Variants in PCDH9 observed in about 807,000 individuals in gnomAD.
The protein encoded by PCDH9 is protocadherin-9.
PCDH9 carries 24 observed loss-of-function variants against 70.6 expected under a neutral mutation model. That is an observed-to-expected ratio of 0.34 (90% CI 0.25 to 0.48). The LOEUF (loss-of-function observed/expected upper bound fraction) is 0.48, where lower values mean the gene tolerates loss of function less well. Among genes scored for constraint, PCDH9 ranks in the 20% least tolerant of loss-of-function variants. The pLI, the probability that PCDH9 is intolerant of heterozygous loss-of-function variation, is 0.99. For missense variants in PCDH9, 1,281 were observed against 1,503.6 expected (o/e 0.85, Z 2.45); for synonymous variants, 562 against 558.5 (o/e 1.01, Z -0.09).
In PCDH9 at chr13:66,508,896, TC is replaced by T. The variant is rs145767006; in HGVS notation, c.3340+122313del. 7.0e-3 allele frequency among the ~76,000 whole-genome samples: 1,068 copies of T among 152,264 alleles called. 33 individuals are homozygous for T. The East Asian group carries it at 0.092, about 13-fold the overall frequency. On this transcript the variant is annotated intron_variant, in intron 4 of 4. Transcript: ENST00000377865. ...TTGTCATTAGGAATGAGACACACAG[TC>T]CCCACCTCCTTCATATATAAATTGG...
chr13:66,850,156 C>T (rs2081291648), intron 3 of PCDH9, among the ~76,000 whole-genome samples: 1 of 152,036 alleles, frequency 6.6e-6, no homozygotes, highest in Non-Finnish European at 1.5e-5. Context: ...TGACTGATTG[C>T]TTAAGAACAC....
At chr13:66,912,439 C>T (rs1444169602) in intron 2 of PCDH9, among the ~76,000 whole-genome samples, 6 of 151,946 alleles carry the variant, frequency 3.9e-5, no homozygotes, top group Admixed American at 2.6e-4. Flanking sequence ...AGGTGTATAG[C>T]GATGGGCTCT....
intron 2 of PCDH9, among the ~76,000 whole-genome samples, chr13:67,026,824 A>G (rs1370941298): frequency 1.3e-5 from 2 of 151,934 alleles, no homozygotes; most frequent in East Asian, 3.9e-4. Context: ...ATTGCTTCAA[A>G]GAGAATAAAA....
chr13:66,933,281 T>C (rs2082846608), intron 2 of PCDH9, among the ~76,000 whole-genome samples: 1 of 152,184 alleles, frequency 6.6e-6, no homozygotes, highest in African/African-American at 2.4e-5. Flanking sequence ...GACATCAGTA[T>C]ATTTTTAGCA....
chr13:66,595,428 T>C (rs997649853), intron 4 of PCDH9, among the ~76,000 whole-genome samples: 1 of 151,812 alleles, frequency 6.6e-6, no homozygotes, highest in Non-Finnish European at 1.5e-5. Context: ...AATTATTGTT[T>C]ATCTTGAAAA....
intron 4 of PCDH9, among the ~76,000 whole-genome samples, chr13:66,594,036 A>G (rs944843465): frequency 2.6e-5 from 4 of 151,730 alleles, no homozygotes; most frequent in Non-Finnish European, 4.4e-5. Context: ...GTTTTTTAAT[A>G]CAACATACCA....
intron 4 of PCDH9, among the ~76,000 whole-genome samples, chr13:66,596,037 A>T (rs1038245378): frequency 3.3e-5 from 5 of 151,708 alleles, no homozygotes; most frequent in Non-Finnish European, 5.9e-5. Flanking sequence ...AATCAATAAG[A>T]TCATTTAACA....
intron 2 of PCDH9, among the ~76,000 whole-genome samples, chr13:67,156,680 G>A (rs1308059037): frequency 6.6e-6 from 1 of 152,194 alleles, no homozygotes; most frequent in Admixed American, 6.5e-5. Flanking sequence ...CCGGGATACA[G>A]AAAGCCCTCT....
chr13:66,610,290 AAG>A (rs895733859), intron 4 of PCDH9, among the ~76,000 whole-genome samples: 29 of 149,404 alleles, frequency 1.9e-4, no homozygotes, highest in African/African-American at 4.2e-4. Flanking sequence ...CAGAGAGAGA[AAG>A]AGAGAGAGAG....
intron 4 of PCDH9, among the ~76,000 whole-genome samples, chr13:66,448,134 G>T (rs2138420436): frequency 6.6e-6 from 1 of 152,152 alleles, no homozygotes; most frequent in Middle Eastern, 3.4e-3. Context: ...GGCTCTTTAG[G>T]AAGCAATTTC....
chr13:67,141,771 G>T (rs1313929718), intron 2 of PCDH9, among the ~76,000 whole-genome samples: 1 of 145,528 alleles, frequency 6.9e-6, no homozygotes. Context: ...AAAAAAAGAA[G>T]TTGGGAAACA....
chr13:66,662,896 T>C (rs2078033874), intron 3 of PCDH9, among the ~76,000 whole-genome samples: 1 of 152,230 alleles, frequency 6.6e-6, no homozygotes, highest in Admixed American at 6.5e-5. Flanking sequence ...AACACTTCTA[T>C]CATAGATTTC....
intron 3 of PCDH9, among the ~76,000 whole-genome samples, chr13:66,872,082 A>G (rs537511510): frequency 2.5e-4 from 38 of 152,300 alleles, no homozygotes; most frequent in Admixed American, 5.2e-4. Flanking sequence ...CTGAAACAGC[A>G]CTAGAGACTG....
At chr13:67,089,980 T>C (rs1472933262) in intron 2 of PCDH9, among the ~76,000 whole-genome samples, 1 of 151,966 alleles carries the variant, frequency 6.6e-6, no homozygotes, top group Non-Finnish European at 1.5e-5. Flanking sequence ...CTTAATTGGT[T>C]TTGCAAGTTT....
chr13:67,206,506 T>C (rs2089351361), intron 2 of PCDH9: 1 of 152,170 alleles, frequency 6.6e-6, no homozygotes, highest in African/African-American at 2.4e-5. Context: ...GCCCGTAATA[T>C]GGTATATTTG....
intron 3 of PCDH9, among the ~76,000 whole-genome samples, chr13:66,880,830 C>G (rs1464001860): frequency 6.6e-6 from 1 of 152,098 alleles, no homozygotes; most frequent in Non-Finnish European, 1.5e-5. Context: ...AAAAAATTAA[C>G]TAGAGAGCAA....
intron 2 of PCDH9, among the ~76,000 whole-genome samples, chr13:67,164,072 ATCT>A (rs1355958748): frequency 1.3e-5 from 2 of 152,214 alleles, no homozygotes; most frequent in East Asian, 1.9e-4. Context: ...GTGTTTTGAC[ATCT>A]TCTAGTTATT....
intron 2 of PCDH9, among the ~76,000 whole-genome samples, chr13:66,990,360 T>C (rs566220180): frequency 7.2e-5 from 11 of 151,816 alleles, no homozygotes; most frequent in African/African-American, 2.7e-4. Flanking sequence ...TCCCTCTCTT[T>C]CCTTTGCTCA....
intron 2 of PCDH9, among the ~76,000 whole-genome samples, chr13:67,120,187 AAAT>A (rs149316252): frequency 4.0e-4 from 57 of 143,740 alleles, no homozygotes; most frequent in African/African-American, 5.1e-4. Context: ...CTCATGCATT[AAAT>A]AATAATAATA....
Sources: allele counts gnomAD v4.1 joint callset (sites outside exome capture counted in the v4.1 genomes callset), GRCh38; gene constraint gnomAD v4.1.1; transcripts MANE v1.5; gene names NCBI Gene and HGNC (gene_info 2026-07-23, HGNC 2026-07-21).